The following NPC2 variants were observed in gnomAD, a reference collection of about 807,000 sequenced individuals.
NPC2 encodes the protein Niemann-Pick disease type C2 protein.
A neutral mutation model predicts 17.0 loss-of-function variants in NPC2; 14 were observed. The ratio of observed to expected loss-of-function variants is 0.82; its 90% CI spans 0.54 to 1.29. The LOEUF is 1.29. NPC2 is among the 50% of genes most tolerant of loss of function. The pLI is 0.00. For missense variants in NPC2, 167 were observed against 183.4 expected, an observed-to-expected ratio of 0.91 and a Z score of 0.52; for synonymous variants, 75 against 69.3, an observed-to-expected ratio of 1.08 and a Z score of -0.41.
chr14:74,492,289 G>C (rs541405912), intron 1 of NPC2, among the ~76,000 whole-genome samples: 5 of 152,252 alleles, frequency 3.3e-5, no homozygotes, highest in Non-Finnish European at 7.4e-5. Flanking sequence ...ATCCCATCTT[G>C]ATAAATCCGC....
Position 74,493,167 on chromosome 14 carries a change from G to C in NPC2, c.82+26C>G, listed in dbSNP as rs1343527649. The C allele has an allele frequency of 6.3e-7, 1 of 1,595,144 alleles. No individual in the cohort carries two copies. Among genetic ancestry groups the C allele is most frequent in the Non-Finnish European group, 8.5e-7 (1 of 1,172,232 alleles). On this transcript the variant is annotated intron_variant, in intron 1 of 4. Coordinates refer to ENST00000555619, the MANE Select transcript of NPC2 (RefSeq NM_006432.5). The surrounding 1 kb of genome is among the most constrained non-coding windows in gnomAD (Gnocchi z 4.1). ...GCGGGGCCTTCCACAGAGGGCGCGG[G>C]AACCTTGGGCGGGCCTGGGGCTCAC...
At chr14:74,483,560 G>T in intron 3 of NPC2, 3 of 1,390,526 alleles carry the variant, frequency 2.2e-6, no homozygotes, top group Non-Finnish European at 9.6e-7. Context: ...AAGAACTATT[G>T]CCTAATTGGA....
intron 2 of NPC2, among the ~76,000 whole-genome samples, chr14:74,485,068 G>A (rs1595223352): frequency 6.6e-6 from 1 of 152,060 alleles, no homozygotes; most frequent in Admixed American, 6.5e-5. Flanking sequence ...GCTGAGGCGG[G>A]TGGATCATCT....
chr14:74,481,214 G>GT (rs2086652843), intron 3 of NPC2, among the ~76,000 whole-genome samples: 1 of 152,240 alleles, frequency 6.6e-6, no homozygotes, highest in African/African-American at 2.4e-5. Context: ...TTGGTGATGA[G>GT]TGAGTTCTCA....
chr14:74,493,427 C>A, upstream of NPC2: 2 of 1,526,846 alleles, frequency 1.3e-6, no homozygotes, highest in Non-Finnish European at 1.8e-6. This position sits in a 1 kb window ranked among gnomAD's most constrained non-coding sequence, Gnocchi z 4.1. Flanking sequence ...CCCCCGGCTC[C>A]GGAAAGCCAG....
In NPC2 at chr14:74,480,020, T is replaced by C; in HGVS notation, c.*254A>G. The C allele has an allele frequency of 6.8e-7, 1 of 1,462,066 alleles. No homozygotes were observed. Among genetic ancestry groups the C allele is most frequent in the Non-Finnish European group, 9.0e-7 (1 of 1,111,526 alleles). The allele number at this position is 1,462,066 out of a possible 1,614,324, so 90.6% of individuals were successfully genotyped here. A position where few individuals can be genotyped will look rare whatever the true frequency, so the allele number is the denominator to read the frequency against. On this transcript the variant is annotated 3_prime_UTR_variant, in exon 5 of 5. Coordinates refer to ENST00000555619, the MANE Select transcript of NPC2 (RefSeq NM_006432.5). Reference sequence around the variant, plus strand: ...AGAAAGAGGCCACAAGTTAATGTTGTTAAAAAAAAAATTAAACATCTGCTA... The same window carrying C: ...AGAAAGAGGCCACAAGTTAATGTTGCTAAAAAAAAAATTAAACATCTGCTA...
At chr14:74,486,797 C>T (rs1358185331) in intron 1 of NPC2, among the ~76,000 whole-genome samples, 1 of 152,180 alleles carries the variant, frequency 6.6e-6, no homozygotes, top group Admixed American at 6.5e-5. Flanking sequence ...AGTCTTATCT[C>T]GCATTCTTAA....
intron 3 of NPC2, chr14:74,483,386 G>GAAT (rs1439591688): frequency 1.0e-5 from 15 of 1,459,156 alleles, no homozygotes; most frequent in Non-Finnish European, 1.4e-5. Flanking sequence ...TGCCATTTTA[G>GAAT]AATAATCTGC....
intron 1 of NPC2, among the ~76,000 whole-genome samples, chr14:74,487,454 A>T (rs1471058982): frequency 6.6e-6 from 1 of 151,956 alleles, no homozygotes; most frequent in Non-Finnish European, 1.5e-5. Context: ...TTTTGTAGAG[A>T]CAGGGTTTCA....
intron 3 of NPC2, 118 bp downstream of exon 3, chr14:74,484,297 T>G (rs1395152099): frequency 2.7e-6 from 3 of 1,096,602 alleles, no homozygotes; most frequent in African/African-American, 3.1e-5. Flanking sequence ...CCCTCGGGCT[T>G]CTTCTTCATC....
chr14:74,483,367 A>G (rs1185878560), intron 3 of NPC2: 1 of 1,411,694 alleles, frequency 7.1e-7, no homozygotes, highest in Non-Finnish European at 1.0e-6. Flanking sequence ...CATGACAGTG[A>G]TGGAACTGTG....
At chr14:74,485,739 G>A (rs1337027913) in intron 2 of NPC2, among the ~76,000 whole-genome samples, 1 of 152,172 alleles carries the variant, frequency 6.6e-6, no homozygotes, top group African/African-American at 2.4e-5. Context: ...CATTTGTCTA[G>A]ATTCTTAAAA....
intron 1 of NPC2, among the ~76,000 whole-genome samples, chr14:74,486,693 A>G (rs1408770900): frequency 6.6e-6 from 1 of 152,222 alleles, no homozygotes; most frequent in Non-Finnish European, 1.5e-5. Context: ...GAGAAAGTTA[A>G]TATTTGTCAA....
chr14:74,491,558 C>T (rs1259258272), intron 1 of NPC2, among the ~76,000 whole-genome samples: 1 of 152,208 alleles, frequency 6.6e-6, no homozygotes, highest in East Asian at 1.9e-4. Context: ...TAATCCCCAA[C>T]TTTGCTTTTG....
chr14:74,488,919 T>A (rs964116038), intron 1 of NPC2, among the ~76,000 whole-genome samples: 1 of 152,184 alleles, frequency 6.6e-6, no homozygotes, highest in Non-Finnish European at 1.5e-5. Context: ...TGCACCATTT[T>A]CACTGCACTT....
intron 3 of NPC2, among the ~76,000 whole-genome samples, chr14:74,481,972 GT>G (rs899250745): frequency 2.9e-4 from 44 of 152,348 alleles, no homozygotes; most frequent in African/African-American, 9.6e-4. Context: ...TGCCTTGTGA[GT>G]TTTTCCAGAC....
intron 1 of NPC2, among the ~76,000 whole-genome samples, chr14:74,491,237 T>C (rs1250658276): frequency 1.3e-5 from 2 of 152,134 alleles, no homozygotes; most frequent in East Asian, 3.8e-4. Flanking sequence ...CATGCCCAGC[T>C]AATTTTTGTA....
intron 2 of NPC2, 32 bp from the exon 3 acceptor site, chr14:74,484,619 GAAAATA>G: frequency 6.2e-7 from 1 of 1,611,442 alleles, no homozygotes. Flanking sequence ...AGATGGCAAA[GAAAATA>G]ACCTATTTTC....
rs770628466 is a variant in NPC2 at position 74,480,173 on chromosome 14, C to A, written c.*101G>T. 1.2e-6 allele frequency: 2 copies of A among 1,612,140 alleles called. No individual in the cohort carries two copies. The highest frequency in any genetic ancestry group is 1.7e-6 in the Non-Finnish European group (2 of 1,179,424). ...TCCTCTTCAACGAATCACTGGATAC[C>A]ATTGGAGAGCAAGTCACTGTTGTTG... is the stretch of plus-strand genomic sequence containing the variant. On this transcript the variant is annotated 3_prime_UTR_variant, in exon 5 of 5. Transcript: ENST00000555619.
Sources: gnomAD v4.1 joint callset for allele counts (sites outside exome capture counted in the v4.1 genomes callset) on GRCh38, gnomAD v4.1.1 for gene constraint, Gnocchi (gnomAD v3.1) non-coding constraint, MANE v1.5 for transcripts, NCBI Gene and HGNC (gene_info 2026-07-23, HGNC 2026-07-21) for gene names.